PIK3AP1: variants seen among roughly 807,000 people sequenced by gnomAD.
PIK3AP1 encodes the protein phosphoinositide 3-kinase adapter protein 1.
PIK3AP1 carries 21 observed loss-of-function variants against 88.1 expected under a neutral mutation model. The ratio of observed to expected loss-of-function variants is 0.24; its 90% CI spans 0.17 to 0.34. The LOEUF (loss-of-function observed/expected upper bound fraction) is 0.34, where lower values mean the gene tolerates loss of function less well. PIK3AP1 is among the 10% of genes least tolerant of loss of function. PIK3AP1 has a pLI of 1.00. For missense variants in PIK3AP1, 828 were observed against 1,035.7 expected (o/e 0.80, Z 2.75); for synonymous variants, 398 against 400.0 (o/e 1.00, Z 0.06).
At chr10:96,714,192 C>T (rs1178126877) in intron 1 of PIK3AP1, among the ~76,000 whole-genome samples, 2 of 151,972 alleles carry the variant, frequency 1.3e-5, no homozygotes, top group Non-Finnish European at 2.9e-5. Context: ...AAAAAGACTC[C>T]AAGTCATCAA....
intron 8 of PIK3AP1, among the ~76,000 whole-genome samples, chr10:96,629,927 A>AAAAAAAAAAAAAG (rs1564961851): frequency 2.0e-4 from 3 of 14,642 alleles, no homozygotes; most frequent in Admixed American, 1.0e-3. Context: ...AAAAAAAAAA[A>AAAAAAAAAAAAAG]AAAAAGAAGA....
intron 2 of PIK3AP1, among the ~76,000 whole-genome samples, chr10:96,675,500 G>A (rs1404161001): frequency 1.3e-5 from 2 of 152,170 alleles, no homozygotes; most frequent in African/African-American, 2.4e-5. Context: ...GATTCAGAGG[G>A]TGGCACAGGA....
chr10:96,609,677 A>C, intron 14 of PIK3AP1, 35 bp downstream of exon 14: 2 of 1,603,822 alleles, frequency 1.2e-6, no homozygotes, highest in Non-Finnish European at 1.7e-6. Context: ...GAGCCCAGTC[A>C]AGAAGACCCC....
At chr10:96,714,332 A>AT (rs555792036) in intron 1 of PIK3AP1, among the ~76,000 whole-genome samples, 4 of 152,312 alleles carry the variant, frequency 2.6e-5, no homozygotes, top group Admixed American at 2.6e-4. Context: ...GTTATCAAAA[A>AT]GCCCCATTTT....
At chr10:96,658,421 C>T (rs1464365047) in intron 2 of PIK3AP1, among the ~76,000 whole-genome samples, 1 of 152,106 alleles carries the variant, frequency 6.6e-6, no homozygotes, top group Non-Finnish European at 1.5e-5. Flanking sequence ...CACCCTAGAC[C>T]CCAGGTCATG....
intron 8 of PIK3AP1, among the ~76,000 whole-genome samples, chr10:96,637,314 TCACA>T (rs55885337): frequency 0.03 from 3,776 of 127,962 alleles, 67 homozygotes; most frequent in African/African-American, 0.052. Context: ...AGATATACAA[TCACA>T]CACACACACA....
Position 96,658,063 on chromosome 10 carries a change from C to CAAAAAAAA in PIK3AP1, c.431-1137_431-1130dup, listed in dbSNP as rs10706863. Among the ~76,000 whole-genome samples, 152 of 113,910 alleles carry CAAAAAAAA rather than the reference C, an allele frequency of 1.3e-3. 1 individual carries two copies. The highest frequency in any genetic ancestry group is 4.7e-3 in the African/African-American group (146 of 30,802). The allele number at this position is 113,910 out of a possible 152,430, so 74.7% of individuals were successfully genotyped here. On this transcript the variant is annotated intron_variant, in intron 2 of 16. Coordinates refer to ENST00000339364, the MANE Select transcript of PIK3AP1 (RefSeq NM_152309.3). ...GGGTAACAAGAGTGAAACTCCATCT[C>CAAAAAAAA]AAAAAAAAAAAAAAAAAATAGAATG... is the stretch of plus-strand genomic sequence containing the variant.
At chr10:96,605,235 T>G (rs1256584889) in intron 14 of PIK3AP1, among the ~76,000 whole-genome samples, 1 of 152,338 alleles carries the variant, frequency 6.6e-6, no homozygotes, top group East Asian at 1.9e-4. Flanking sequence ...GTTGGGAATT[T>G]ATCACCTGTA....
intron 13 of PIK3AP1, among the ~76,000 whole-genome samples, chr10:96,615,165 G>A (rs1291905738): frequency 6.6e-6 from 1 of 152,160 alleles, no homozygotes; most frequent in Non-Finnish European, 1.5e-5. Context: ...TGGCTTGTTA[G>A]AGCAATAAAT....
chr10:96,648,187 C>T (rs550642313), intron 7 of PIK3AP1, among the ~76,000 whole-genome samples: 106 of 152,206 alleles, frequency 7.0e-4, no homozygotes, highest in East Asian at 1.9e-3. Flanking sequence ...TACAGTTCAC[C>T]GGGGCCTGAA....
intron 13 of PIK3AP1, among the ~76,000 whole-genome samples, chr10:96,611,510 G>C (rs1849109763): frequency 6.6e-6 from 1 of 151,792 alleles, no homozygotes; most frequent in South Asian, 2.1e-4. Flanking sequence ...TCGCTCTGTC[G>C]CCAGGCTGGA....
At position 96,619,471 on chromosome 10, in the gene PIK3AP1, G is replaced by A. The variant is rs74502666; in HGVS notation, c.1941+881C>T. ...GCTAGTACTTTGAAGGAAGCAGCCTGGGGAGGTGGAGAGAGAAAGCAATAG... is the reference window on the plus strand; with the variant it reads ...GCTAGTACTTTGAAGGAAGCAGCCTAGGGAGGTGGAGAGAGAAAGCAATAG... On this transcript the variant is annotated intron_variant, in intron 12 of 16. Coordinates refer to ENST00000339364, the MANE Select transcript of PIK3AP1 (RefSeq NM_152309.3). 4.3e-3 allele frequency: 649 copies of A among 152,436 alleles called. 2 individuals carry two copies. Among genetic ancestry groups the A allele is most frequent in the Middle Eastern group, 0.01 (3 of 294 alleles). The allele number at this position is 152,436 out of a possible 1,614,324, so 9.4% of individuals were successfully genotyped here. A position where few individuals can be genotyped will look rare whatever the true frequency, so the allele number is the denominator to read the frequency against.
At chr10:96,606,337 G>A (rs1849002403) in intron 14 of PIK3AP1, among the ~76,000 whole-genome samples, 1 of 152,178 alleles carries the variant, frequency 6.6e-6, no homozygotes, top group African/African-American at 2.4e-5. Flanking sequence ...GCCTCCCCAT[G>A]CCATTCCTCA....
In PIK3AP1 at chr10:96,628,354, TCTCTTTTG is replaced by T. The variant is rs529204540; in HGVS notation, c.1471+36_1471+43del. ...AACCAGACAATGTCTTGCATTTGTT[TCTCTTTTG>T]CTCTTTTGGCTTCCCTGCTCATGGC... On this transcript the variant is annotated intron_variant, in intron 9 of 16. Coordinates refer to ENST00000339364, the MANE Select transcript of PIK3AP1 (RefSeq NM_152309.3). 9.8e-4 allele frequency: 1,447 copies of T among 1,470,116 alleles called. 17 individuals are homozygous for T. In the African/African-American group the frequency reaches 0.018, roughly 18 times the overall value. The allele number at this position is 1,470,116 out of a possible 1,614,324, so 91.1% of individuals were successfully genotyped here. A position where few individuals can be genotyped will look rare whatever the true frequency, so the allele number is the denominator to read the frequency against.
At chr10:96,705,781 C>G (rs1411048227) in intron 2 of PIK3AP1, among the ~76,000 whole-genome samples, 3 of 151,184 alleles carry the variant, frequency 2.0e-5, no homozygotes, top group African/African-American at 7.3e-5. Context: ...CAGGGTTTTG[C>G]CATGTTGTCC....
At chr10:96,669,098 C>T (rs1843806271) in intron 2 of PIK3AP1, among the ~76,000 whole-genome samples, 1 of 152,128 alleles carries the variant, frequency 6.6e-6, no homozygotes, top group African/African-American at 2.4e-5. Context: ...AACCACTGCA[C>T]TCCAGCCTGG....
intron 14 of PIK3AP1, among the ~76,000 whole-genome samples, chr10:96,604,439 C>A (rs2134184179): frequency 6.8e-6 from 1 of 146,538 alleles, no homozygotes; most frequent in Admixed American, 7.0e-5. Context: ...CTCAAGCGAT[C>A]CTCCTGCCTC....
At chr10:96,645,707 T>G in intron 7 of PIK3AP1, 45 bp from the exon 8 acceptor site, 1 of 1,530,166 alleles carries the variant, frequency 6.5e-7, no homozygotes, top group Non-Finnish European at 8.8e-7. Context: ...GCAGCCTGAC[T>G]TTCCGGGTGG....
chr10:96,642,996 T>G (rs1843411636), intron 8 of PIK3AP1, among the ~76,000 whole-genome samples: 1 of 152,304 alleles, frequency 6.6e-6, no homozygotes, highest in South Asian at 2.1e-4. Context: ...GTTCTCCAAG[T>G]GTTCTTTTGT....
Sources: allele counts gnomAD v4.1 joint callset (sites outside exome capture counted in the v4.1 genomes callset), GRCh38; gene constraint gnomAD v4.1.1; transcripts MANE v1.5; gene names NCBI Gene and HGNC (gene_info 2026-07-23, HGNC 2026-07-21).